CDH18: variants seen among roughly 807,000 people sequenced by gnomAD.
CDH18 encodes cadherin-18.
In CDH18, 31 loss-of-function variants were observed where a neutral mutation model predicts 67.9. The ratio of observed to expected loss-of-function variants is 0.46; its 90% confidence interval spans 0.34 to 0.62. The LOEUF (loss-of-function observed/expected upper bound fraction) is 0.62. Among genes scored for constraint, CDH18 ranks in the 20% least tolerant of loss-of-function variants. The pLI is 0.01. For missense variants in CDH18, 890 were observed against 975.5 expected (o/e 0.91, Z 1.17); for synonymous variants, 362 against 347.2 (o/e 1.04, Z -0.48).
chr5:19,870,733 T>A (rs76548177), intron 2 of CDH18, among the ~76,000 whole-genome samples: 9,430 of 152,234 alleles, frequency 0.062, 421 homozygotes, highest in Middle Eastern at 0.13. Context: ...GCAGTGTGAA[T>A]GCAGATGGTG....
chr5:20,170,602 G>T (rs999609890), intron 2 of CDH18, among the ~76,000 whole-genome samples: 10 of 152,018 alleles, frequency 6.6e-5, no homozygotes, highest in Admixed American at 5.9e-4. Context: ...GTTGATGAAA[G>T]AAATAAATAT....
At chr5:20,299,088 A>G (rs538798395) in intron 1 of CDH18, among the ~76,000 whole-genome samples, 13 of 152,146 alleles carry the variant, frequency 8.5e-5, no homozygotes, top group African/African-American at 3.1e-4. Context: ...GAGATGGGAA[A>G]CCTCAACTAA....
intron 6 of CDH18, among the ~76,000 whole-genome samples, chr5:19,592,849 C>T (rs1223338985): frequency 6.6e-6 from 1 of 152,010 alleles, no homozygotes; most frequent in Non-Finnish European, 1.5e-5. Flanking sequence ...TCCCTGGTAA[C>T]AACCACTCCA....
chr5:20,007,844 T>C (rs556179313), intron 2 of CDH18, among the ~76,000 whole-genome samples: 14 of 152,190 alleles, frequency 9.2e-5, no homozygotes, highest in Admixed American at 3.3e-4. Flanking sequence ...AAAATTCAAA[T>C]TTCAGTGTCC....
At chr5:19,636,369 A>C (rs931961069) in intron 5 of CDH18, among the ~76,000 whole-genome samples, 6 of 152,182 alleles carry the variant, frequency 3.9e-5, no homozygotes, top group African/African-American at 1.2e-4. Flanking sequence ...GTTAAAAAAA[A>C]CATGCATCAA....
At chr5:19,830,633 T>C (rs901149074) in intron 3 of CDH18, among the ~76,000 whole-genome samples, 1 of 152,046 alleles carries the variant, frequency 6.6e-6, no homozygotes, top group African/African-American at 2.4e-5. Context: ...GTGGCAATTT[T>C]TCTAAAAACT....
At chr5:19,840,426 G>C (rs1376597260) in intron 2 of CDH18, among the ~76,000 whole-genome samples, 1 of 152,070 alleles carries the variant, frequency 6.6e-6, no homozygotes, top group Non-Finnish European at 1.5e-5. Context: ...ATTTGGGCTG[G>C]GTGCAGTAGC....
intron 6 of CDH18, among the ~76,000 whole-genome samples, chr5:19,603,391 C>A (rs921954976): frequency 5.9e-5 from 9 of 151,914 alleles, no homozygotes; most frequent in Admixed American, 5.9e-4. Flanking sequence ...ACAATGGGTA[C>A]AAAGTTTTAC....
chr5:19,665,208 T>A (rs568313635), intron 5 of CDH18, among the ~76,000 whole-genome samples: 19 of 152,160 alleles, frequency 1.2e-4, no homozygotes, highest in African/African-American at 4.6e-4. Context: ...AAATAAACGA[T>A]GTCAAAACTA....
chr5:20,102,563 G>C (rs2150578639), intron 2 of CDH18, among the ~76,000 whole-genome samples: 1 of 152,320 alleles, frequency 6.6e-6, no homozygotes, highest in East Asian at 1.9e-4. Flanking sequence ...TGCAGAAACA[G>C]CTCTATAGGA....
At chr5:19,551,465 A>C (rs1211421265) in intron 8 of CDH18, among the ~76,000 whole-genome samples, 2 of 152,152 alleles carry the variant, frequency 1.3e-5, no homozygotes, top group African/African-American at 4.8e-5. Context: ...ATCACTTAGC[A>C]TTGTGACCTT....
intron 3 of CDH18, among the ~76,000 whole-genome samples, chr5:19,765,467 T>G (rs991441409): frequency 2.0e-5 from 3 of 152,170 alleles, no homozygotes; most frequent in African/African-American, 7.2e-5. Context: ...TCACATTTTT[T>G]CTCTTAATTA....
chr5:19,499,495 A>G (rs961285666), intron 11 of CDH18, among the ~76,000 whole-genome samples: 2 of 151,978 alleles, frequency 1.3e-5, no homozygotes, highest in African/African-American at 4.8e-5. Flanking sequence ...ACATATCTCT[A>G]TGTGGATCTA....
chr5:19,863,978 CA>C (rs1785182809), intron 2 of CDH18, among the ~76,000 whole-genome samples: 1 of 151,812 alleles, frequency 6.6e-6, no homozygotes, highest in Non-Finnish European at 1.5e-5. Context: ...GGTGATTCCT[CA>C]GGGATCTAGA....
chr5:20,432,925 GATATA>G lies in CDH18; in HGVS notation c.-580+142532_-580+142536del, dbSNP rs759671116. ...TAATATATATTTTAGGCCTCTTATA[GATATA>G]ATATATATTTTATACATATATAATG... On this transcript the variant is annotated intron_variant, in intron 1 of 14. Coordinates refer to the CDH18 transcript ENST00000507958. 1.4e-4 allele frequency among the ~76,000 whole-genome samples: 21 copies of G among 148,042 alleles called. No homozygotes were observed. The South Asian group carries it at 2.1e-3, about 15-fold the overall frequency.
At chr5:20,338,644 C>A (rs557877858) in intron 1 of CDH18, among the ~76,000 whole-genome samples, 1 of 152,326 alleles carries the variant, frequency 6.6e-6, no homozygotes, top group East Asian at 1.9e-4. Flanking sequence ...TGGTATATTT[C>A]CAGTTGCAAT....
At chr5:19,906,250 C>G (rs1790521957) in intron 2 of CDH18, among the ~76,000 whole-genome samples, 13 of 151,818 alleles carry the variant, frequency 8.6e-5, no homozygotes, top group Admixed American at 8.5e-4. Context: ...ATGTAGGTCT[C>G]ATAATTTTAA....
At chr5:20,492,038 T>C (rs1753621835) in intron 1 of CDH18, among the ~76,000 whole-genome samples, 1 of 152,182 alleles carries the variant, frequency 6.6e-6, no homozygotes, top group African/African-American at 2.4e-5. Context: ...ACTTACAGAT[T>C]GTATTTCTTT....
chr5:19,882,041 T>A (rs1382802947), intron 2 of CDH18, among the ~76,000 whole-genome samples: 2 of 152,184 alleles, frequency 1.3e-5, no homozygotes, highest in Non-Finnish European at 1.5e-5. Context: ...AATGTGACTA[T>A]TAAAATTTCA....
Sources: allele counts gnomAD v4.1 joint callset (sites outside exome capture counted in the v4.1 genomes callset), GRCh38; gene constraint gnomAD v4.1.1; transcripts MANE v1.5; gene names NCBI Gene and HGNC (gene_info 2026-07-23, HGNC 2026-07-21).